GLYATL2: variants seen among roughly 807,000 people sequenced by gnomAD.
GLYATL2 encodes the protein glycine-N-acyltransferase like 2.
GLYATL2 carries 25 observed loss-of-function variants against 21.4 expected under a neutral mutation model. The ratio of observed to expected loss-of-function variants is 1.17; its 90% CI spans 0.85 to 1.63. The LOEUF is 1.63. Among genes scored for constraint, GLYATL2 ranks in the 40% most tolerant of loss-of-function variants. The pLI is 0.00. For synonymous variants in GLYATL2, 114 were observed against 118.2 expected (o/e 0.96, Z 0.23); for missense variants, 361 against 343.3 (o/e 1.05, Z -0.41).
At chr11:58,903,910 T>C (rs7129011) in intron 1 of GLYATL2, among the ~76,000 whole-genome samples, 118,661 of 151,998 alleles carry the variant, frequency 0.78, 47,442 homozygotes, top group Non-Finnish European at 0.88. Flanking sequence ...TCCAAGTCAA[T>C]ATATCAAAAG....
At chr11:58,870,811 G>T (rs557622528) in intron 1 of GLYATL2, among the ~76,000 whole-genome samples, 1 of 152,202 alleles carries the variant, frequency 6.6e-6, no homozygotes. Context: ...TGCTTCAGAA[G>T]AAAGCAATAT....
chr11:58,865,065 A>G (rs1854000704), intron 1 of GLYATL2, among the ~76,000 whole-genome samples: 1 of 148,916 alleles, frequency 6.7e-6, no homozygotes, highest in Non-Finnish European at 1.5e-5. Flanking sequence ...ATGAGTATGT[A>G]TTCATCTCTA....
At chr11:58,838,825 A>G (rs1338617073) in intron 2 of GLYATL2, among the ~76,000 whole-genome samples, 1 of 152,140 alleles carries the variant, frequency 6.6e-6, no homozygotes, top group Non-Finnish European at 1.5e-5. Flanking sequence ...TGAGAGATAT[A>G]TGTATATGGT....
chr11:58,845,614 T>A (rs577557643), upstream of GLYATL2, among the ~76,000 whole-genome samples: 134 of 152,148 alleles, frequency 8.8e-4, 3 homozygotes, highest in South Asian at 0.026. Context: ...TAAAAAAAAA[T>A]TCACCCACTT....
chr11:58,840,625 G>A (rs1388090742), intron 1 of GLYATL2: 2 of 151,984 alleles, frequency 1.3e-5, no homozygotes, highest in African/African-American at 4.8e-5. Context: ...AGATCACAAG[G>A]TCAGGAGTTT....
intron 1 of GLYATL2, among the ~76,000 whole-genome samples, chr11:58,882,788 C>T (rs1019681716): frequency 2.0e-5 from 3 of 152,188 alleles, no homozygotes; most frequent in African/African-American, 7.2e-5. Context: ...CCAGTTTCAG[C>T]TTTCTACATA....
intron 1 of GLYATL2, among the ~76,000 whole-genome samples, chr11:58,860,789 T>A (rs1853916602): frequency 6.6e-6 from 1 of 152,084 alleles, no homozygotes; most frequent in Non-Finnish European, 1.5e-5. Flanking sequence ...ACCTCATTTG[T>A]TGAGAGTTCA....
intron 1 of GLYATL2, among the ~76,000 whole-genome samples, chr11:58,865,369 T>C (rs1273865154): frequency 1.3e-5 from 2 of 148,950 alleles, no homozygotes; most frequent in Non-Finnish European, 3.0e-5. Flanking sequence ...GACTTGTTGT[T>C]CAAGATATTC....
rs560474039 is a variant in GLYATL2, at chr11:58,851,137, T to G, written n.61-12769A>C. Among the ~76,000 whole-genome samples, 325 of 152,248 alleles carry G rather than the reference T, an allele frequency of 2.1e-3. 3 individuals are homozygous for G. Among genetic ancestry groups the G allele is most frequent in the African/African-American group, 6.8e-3 (283 of 41,566 alleles). ...TTTACCCTGCCCCTTTTGCCTTGTATCCAATAAATAACAGTGCAGCCAGGC... is the reference window on the plus strand; with the variant it reads ...TTTACCCTGCCCCTTTTGCCTTGTAGCCAATAAATAACAGTGCAGCCAGGC... On this transcript the variant is annotated intron_variant and non_coding_transcript_variant, in intron 1 of 4. Transcript: ENST00000533636.
At chr11:58,844,142 G>T (rs1853601471) in intron 1 of GLYATL2, among the ~76,000 whole-genome samples, 1 of 152,106 alleles carries the variant, frequency 6.6e-6, no homozygotes, top group Admixed American at 6.5e-5. Flanking sequence ...TGGAGATCTA[G>T]AGGGTGTCAG....
intron 1 of GLYATL2, among the ~76,000 whole-genome samples, chr11:58,900,853 A>T (rs1854725812): frequency 6.6e-6 from 1 of 150,670 alleles, no homozygotes; most frequent in Non-Finnish European, 1.5e-5. Context: ...CATTGATGTC[A>T]ACCCATTAAG....
At chr11:58,856,914 GCTTGA>G (rs1853838468) in intron 1 of GLYATL2, among the ~76,000 whole-genome samples, 3 of 152,218 alleles carry the variant, frequency 2.0e-5, no homozygotes, top group Non-Finnish European at 2.9e-5. Context: ...CAGTAGACTT[GCTTGA>G]TGCAGGGTTG....
chr11:58,858,890 ACT>A (rs1215127040), intron 1 of GLYATL2, among the ~76,000 whole-genome samples: 24 of 152,284 alleles, frequency 1.6e-4, no homozygotes, highest in African/African-American at 2.4e-4. Flanking sequence ...AGAGAGCATC[ACT>A]GTCTCCCCTT....
At chr11:58,848,882 C>G (rs1853689961), upstream of GLYATL2, among the ~76,000 whole-genome samples, 1 of 152,016 alleles carries the variant, frequency 6.6e-6, no homozygotes, top group Admixed American at 6.6e-5. Flanking sequence ...AGATTTAACC[C>G]AAAGACTATC....
chr11:58,847,883 T>C (rs1401482439), upstream of GLYATL2, among the ~76,000 whole-genome samples: 4 of 152,044 alleles, frequency 2.6e-5, no homozygotes, highest in African/African-American at 9.7e-5. Flanking sequence ...TTGGTCAAGA[T>C]GCAGTGCTGT....
chr11:58,897,859 T>C lies in GLYATL2; in HGVS notation n.60+6297A>G, dbSNP rs1003912249. Among the ~76,000 whole-genome samples, 3 of 152,358 alleles carry C rather than the reference T, an allele frequency of 2.0e-5. No individual in the cohort carries two copies. In the Middle Eastern group the frequency reaches 0.01, roughly 518 times the overall value. On this transcript the variant is annotated intron_variant and non_coding_transcript_variant, in intron 1 of 4. Transcript: ENST00000533636. Reference sequence around the variant, plus strand: ...TTGAAAAGGAATTATTATTCTTGTATAGCCATAGATTATCCCTGGAAAAGT... The same window carrying C: ...TTGAAAAGGAATTATTATTCTTGTACAGCCATAGATTATCCCTGGAAAAGT...
chr11:58,843,822 G>T (rs1252259703), intron 1 of GLYATL2, among the ~76,000 whole-genome samples: 1 of 152,108 alleles, frequency 6.6e-6, no homozygotes, highest in Admixed American at 6.5e-5. Context: ...TGGGATGTAG[G>T]GCTGTTGGCT....
intron 1 of GLYATL2, among the ~76,000 whole-genome samples, chr11:58,884,035 T>C (rs1396984514): frequency 6.6e-6 from 1 of 152,146 alleles, no homozygotes; most frequent in African/African-American, 2.4e-5. Flanking sequence ...CGCTAAAAAC[T>C]CTCAATAAAC....
At position 58,857,495 on chromosome 11, in the gene GLYATL2, CG is replaced by C. The variant is rs201444074; in HGVS notation, n.61-19128del. 7.2e-4 allele frequency among the ~76,000 whole-genome samples: 110 copies of C among 152,214 alleles called. 2 individuals carry two copies. The East Asian group carries it at 0.019, about 26-fold the overall frequency. ...ATCCTTCTCACTCATCCCCCTGGGG[CG>C]GGGCGAGTGGGCTGAGCTGCCCCAT... On this transcript the variant is annotated intron_variant and non_coding_transcript_variant, in intron 1 of 4. Transcript: ENST00000533636.
Sources: allele counts gnomAD v4.1 joint callset (sites outside exome capture counted in the v4.1 genomes callset), GRCh38; gene constraint gnomAD v4.1.1; transcripts MANE v1.5; gene names NCBI Gene and HGNC (gene_info 2026-07-23, HGNC 2026-07-21).